MSRA: variants seen among roughly 807,000 people sequenced by gnomAD.
MSRA encodes the protein methionine sulfoxide reductase A, also known as mitochondrial peptide methionine sulfoxide reductase.
Under a neutral mutation model 31.3 loss-of-function variants are expected in MSRA, and 54 were observed. The ratio of observed to expected loss-of-function variants is 1.73; its 90% CI spans 1.39 to 2.17. MSRA has a LOEUF of 2.17. Ranked by LOEUF, MSRA falls within the 30% of genes most tolerant of loss-of-function variation. The pLI, the probability that MSRA is intolerant of heterozygous loss-of-function variation, is 0.00. For missense variants in MSRA, 507 were observed against 300.9 expected (o/e 1.69, Z -5.07); for synonymous variants, 169 against 116.5 (o/e 1.45, Z -2.90).
chr8:10,264,370 A>G (rs977525376), intron 3 of MSRA, among the ~76,000 whole-genome samples: 1 of 152,250 alleles, frequency 6.6e-6, no homozygotes, highest in Non-Finnish European at 1.5e-5. Context: ...ATTATAAATT[A>G]TATGCACATA....
chr8:10,156,955 T>C (rs758418309), intron 1 of MSRA, among the ~76,000 whole-genome samples: 3 of 151,726 alleles, frequency 2.0e-5, no homozygotes, highest in Non-Finnish European at 4.4e-5. Context: ...TACTGTGTGC[T>C]TGGCACTGTG....
chr8:10,057,688 G>A (rs898925503), intron 1 of MSRA, among the ~76,000 whole-genome samples: 1 of 152,102 alleles, frequency 6.6e-6, no homozygotes, highest in African/African-American at 2.4e-5. Flanking sequence ...CACGAGATCT[G>A]ATTATTTAAA....
chr8:10,157,891 C>T (rs558517319), intron 1 of MSRA, among the ~76,000 whole-genome samples: 7 of 152,106 alleles, frequency 4.6e-5, no homozygotes. Flanking sequence ...CCGTACAATT[C>T]ATCTATTTAA....
chr8:10,161,299 AC>A (rs1804623875), intron 1 of MSRA, among the ~76,000 whole-genome samples: 1 of 151,980 alleles, frequency 6.6e-6, no homozygotes, highest in Admixed American at 6.6e-5. Flanking sequence ...CTATCCCCCA[AC>A]CCCCTGGCTG....
At chr8:10,225,695 CTCT>C (rs1253276703) in intron 2 of MSRA, among the ~76,000 whole-genome samples, 1 of 152,132 alleles carries the variant, frequency 6.6e-6, no homozygotes, top group African/African-American at 2.4e-5. Flanking sequence ...ATGGTGCCAG[CTCT>C]CGTTTTGATG....
chr8:10,302,258 C>A (rs1055961765), intron 4 of MSRA, among the ~76,000 whole-genome samples: 10 of 152,190 alleles, frequency 6.6e-5, no homozygotes, highest in Non-Finnish European at 1.3e-4. Flanking sequence ...TGAAATATTC[C>A]ATGTTGGCAA....
chr8:10,131,200 C>T (rs1230416848), intron 1 of MSRA, among the ~76,000 whole-genome samples: 1 of 152,148 alleles, frequency 6.6e-6, no homozygotes. Flanking sequence ...TGGAAGCTTG[C>T]CCTCCAATGT....
In MSRA at chr8:10,319,500, C is replaced by G. The variant is rs115183466; in HGVS notation, c.437-383C>G. On this transcript the variant is annotated intron_variant, in intron 4 of 5. Transcript: ENST00000317173. ...ATCCACCAAGGGAGGGATGATGAAA[C>G]CTTCCATACAGGTATCTCCTTAGGA... 1.8e-3 allele frequency among the ~76,000 whole-genome samples: 268 copies of G among 152,160 alleles called. 2 individuals are homozygous for G. The highest frequency in any genetic ancestry group is 5.9e-3 in the African/African-American group (246 of 41,500).
intron 1 of MSRA, among the ~76,000 whole-genome samples, chr8:10,162,911 TG>T (rs1804788455): frequency 6.6e-6 from 1 of 152,134 alleles, no homozygotes; most frequent in African/African-American, 2.4e-5. Context: ...CGGAATATCA[TG>T]GGGCCTCCTG....
intron 5 of MSRA, among the ~76,000 whole-genome samples, chr8:10,340,971 C>T (rs1427544273): frequency 2.0e-5 from 3 of 152,180 alleles, no homozygotes; most frequent in Admixed American, 6.5e-5. Flanking sequence ...GATGTGGAAA[C>T]AGCCTCCAAC....
At chr8:10,379,101 T>C (rs888489340) in intron 5 of MSRA, among the ~76,000 whole-genome samples, 3 of 152,188 alleles carry the variant, frequency 2.0e-5, no homozygotes, top group Non-Finnish European at 4.4e-5. Context: ...GTCATTTTCA[T>C]TGACTGCAGA....
chr8:10,201,479 C>T (rs1808497558), intron 1 of MSRA, among the ~76,000 whole-genome samples: 1 of 152,190 alleles, frequency 6.6e-6, no homozygotes, highest in South Asian at 2.1e-4. Context: ...CCAGTCCCCA[C>T]TGCTTTCCCC....
chr8:10,415,396 T>C (rs1808397036), intron 5 of MSRA, among the ~76,000 whole-genome samples: 1 of 152,188 alleles, frequency 6.6e-6, no homozygotes, highest in Non-Finnish European at 1.5e-5. Context: ...CCTTGCTGCA[T>C]GCAAGCAGGT....
intron 5 of MSRA, among the ~76,000 whole-genome samples, chr8:10,359,020 A>G (rs1040414573): frequency 4.6e-5 from 7 of 152,172 alleles, no homozygotes; most frequent in South Asian, 4.1e-4. Flanking sequence ...ACATTCCCTT[A>G]TCCCCCCATC....
At chr8:10,255,966 G>A (rs1028381031) in intron 3 of MSRA, among the ~76,000 whole-genome samples, 2 of 152,032 alleles carry the variant, frequency 1.3e-5, no homozygotes, top group African/African-American at 4.8e-5. Flanking sequence ...TGGTGCATTT[G>A]TTACACCCCA....
intron 5 of MSRA, among the ~76,000 whole-genome samples, chr8:10,325,847 T>C (rs923059859): frequency 4.6e-5 from 7 of 152,214 alleles, no homozygotes; most frequent in African/African-American, 1.4e-4. Flanking sequence ...TCCTGTGTTT[T>C]ATATCTAGGG....
At chr8:10,388,792 A>C (rs905362977) in intron 5 of MSRA, among the ~76,000 whole-genome samples, 2 of 151,870 alleles carry the variant, frequency 1.3e-5, no homozygotes, top group African/African-American at 4.8e-5. Flanking sequence ...TGTTCTACGC[A>C]TGATGGGATG....
chr8:10,375,219 C>T (rs893674045), intron 5 of MSRA, among the ~76,000 whole-genome samples: 17 of 152,150 alleles, frequency 1.1e-4, no homozygotes, highest in African/African-American at 4.1e-4. Context: ...TTGCATCTTC[C>T]ATCCTCCCCA....
chr8:10,141,236 G>T (rs1802679256), intron 1 of MSRA, among the ~76,000 whole-genome samples: 1 of 152,168 alleles, frequency 6.6e-6, no homozygotes, highest in Non-Finnish European at 1.5e-5. Context: ...GGTTCTGTGT[G>T]CCTCGCCCCT....
Sources: allele counts gnomAD v4.1 joint callset (sites outside exome capture counted in the v4.1 genomes callset), GRCh38; gene constraint gnomAD v4.1.1; transcripts MANE v1.5; gene names NCBI Gene and HGNC (gene_info 2026-07-23, HGNC 2026-07-21).